The following CA8 variants were observed in gnomAD, a reference collection of about 807,000 sequenced individuals.
CA8 encodes carbonic anhydrase 8 (inactive).
CA8 carries 22 observed loss-of-function variants against 41.4 expected under a neutral mutation model. The observed-to-expected ratio is 0.53, with a 90% CI of 0.38 to 0.76. CA8 has a LOEUF of 0.76. Ranked by LOEUF, CA8 falls within the 30% of genes least tolerant of loss-of-function variation. The probability of loss-of-function intolerance (pLI) is 0.00; values close to 1 mark genes in which losing one functional copy is unlikely to be tolerated. For missense variants in CA8, 270 were observed against 352.8 expected (o/e 0.77, Z 1.88); for synonymous variants, 121 against 130.6 (o/e 0.93, Z 0.50).
At chr8:60,269,670 T>A (rs1387035269) in intron 2 of CA8, among the ~76,000 whole-genome samples, 1 of 152,228 alleles carries the variant, frequency 6.6e-6, no homozygotes, top group African/African-American at 2.4e-5. Flanking sequence ...AGGCTAGTGC[T>A]CAAGCCTTAT....
Position 60,281,180 on chromosome 8 carries a change from C to T in CA8, c.-33G>A. On this transcript the variant is annotated 5_prime_UTR_variant, in exon 1 of 9. Coordinates refer to ENST00000317995, the MANE Select transcript of CA8 (RefSeq NM_004056.6). ...CCGCGGGGCCCCTCGGCGCTCTCGG[C>T]AGCAGTGCCTGCGCCTTCGCTGGGC... is the stretch of plus-strand genomic sequence containing the variant. 1 of 1,464,182 alleles carries T rather than the reference C, an allele frequency of 6.8e-7. No homozygotes were observed. Among genetic ancestry groups the T allele is most frequent in the Non-Finnish European group, 9.3e-7 (1 of 1,074,980 alleles). The allele number at this position is 1,464,182 out of a possible 1,614,324, so 90.7% of individuals were successfully genotyped here.
At chr8:60,241,604 A>G (rs1163927850) in intron 3 of CA8, among the ~76,000 whole-genome samples, 1 of 152,242 alleles carries the variant, frequency 6.6e-6, no homozygotes, top group Non-Finnish European at 1.5e-5. Context: ...AAGATTGGGA[A>G]AAGCTTGGTG....
At chr8:60,218,061 C>T (rs1220803446) in intron 7 of CA8, among the ~76,000 whole-genome samples, 1 of 152,190 alleles carries the variant, frequency 6.6e-6, no homozygotes, top group African/African-American at 2.4e-5. Flanking sequence ...CCTCATGTCG[C>T]AGGCTCTCCA....
chr8:60,206,322 T>C (rs1806577178), intron 8 of CA8, among the ~76,000 whole-genome samples: 1 of 152,080 alleles, frequency 6.6e-6, no homozygotes, highest in African/African-American at 2.4e-5. Context: ...ATACAAAATC[T>C]CATAAACAAC....
chr8:60,240,053 C>A (rs972552141), intron 3 of CA8, among the ~76,000 whole-genome samples: 3 of 152,052 alleles, frequency 2.0e-5, no homozygotes, highest in Admixed American at 1.3e-4. Flanking sequence ...GACGGGGGAC[C>A]AAAGACTGAG....
intron 3 of CA8, among the ~76,000 whole-genome samples, chr8:60,248,245 CTTTAG>C (rs1391723358): frequency 1.3e-5 from 2 of 152,112 alleles, no homozygotes; most frequent in African/African-American, 4.8e-5. Flanking sequence ...TACAGAACTT[CTTTAG>C]TTTAATTAGA....
At chr8:60,207,329 T>C (rs938813280) in intron 8 of CA8, among the ~76,000 whole-genome samples, 6 of 152,230 alleles carry the variant, frequency 3.9e-5, no homozygotes, top group Non-Finnish European at 7.3e-5. Context: ...CAGAACATTA[T>C]ATGAACATAT....
intron 3 of CA8, among the ~76,000 whole-genome samples, chr8:60,246,701 G>A (rs1808250557): frequency 6.6e-6 from 1 of 152,048 alleles, no homozygotes; most frequent in Non-Finnish European, 1.5e-5. Flanking sequence ...TATCTTTGCT[G>A]TACATAATGT....
At chr8:60,267,243 G>A (rs1248120573) in intron 2 of CA8, among the ~76,000 whole-genome samples, 2 of 152,194 alleles carry the variant, frequency 1.3e-5, no homozygotes, top group Non-Finnish European at 2.9e-5. Context: ...AGAACAAGGG[G>A]AAGCCAAGAA....
At chr8:60,248,592 T>C (rs1038708403) in intron 3 of CA8, among the ~76,000 whole-genome samples, 1 of 152,164 alleles carries the variant, frequency 6.6e-6, no homozygotes, top group Non-Finnish European at 1.5e-5. Context: ...GAGATCTCTG[T>C]TCCACTCCAT....
intron 3 of CA8, among the ~76,000 whole-genome samples, chr8:60,233,081 T>C (rs1405767546): frequency 6.6e-6 from 1 of 152,208 alleles, no homozygotes; most frequent in Non-Finnish European, 1.5e-5. Context: ...ACAGCACTGA[T>C]AAAACACTTG....
At chr8:60,213,618 G>T (rs541091853) in intron 7 of CA8, among the ~76,000 whole-genome samples, 1 of 152,284 alleles carries the variant, frequency 6.6e-6, no homozygotes, top group East Asian at 1.9e-4. Context: ...AATACACACT[G>T]CAAGGCAAAG....
At position 60,221,214 on chromosome 8, in the gene CA8, T is replaced by A. The variant is rs149250087; in HGVS notation, c.738+1435A>T. Among the ~76,000 whole-genome samples the A allele has an allele frequency of 3.7e-3, 564 of 152,318 alleles. 1 individual carries two copies. The highest frequency in any genetic ancestry group is 0.01 in the African/African-American group (434 of 41,572). On this transcript the variant is annotated intron_variant, in intron 7 of 8. Coordinates refer to ENST00000317995, the MANE Select transcript of CA8 (RefSeq NM_004056.6). ...ACCAGACTAACTTCTAATATTTTGC[T>A]GAAATTATTCCCTAAACCTCTTGGA...
At chr8:60,203,483 C>G (rs1585847061) in intron 8 of CA8, among the ~76,000 whole-genome samples, 1 of 152,070 alleles carries the variant, frequency 6.6e-6, no homozygotes, top group East Asian at 1.9e-4. Context: ...GCAAGTCTCT[C>G]AGTTTTTCCA....
chr8:60,188,555 C>T lies in CA8; in HGVS notation c.*1466G>A, dbSNP rs1267312081. The T allele has an allele frequency of 1.3e-5, 2 of 152,190 alleles. No homozygotes were observed. Among genetic ancestry groups the T allele is most frequent in the Non-Finnish European group, 2.9e-5 (2 of 68,036 alleles). The allele number at this position is 152,190 out of a possible 1,614,324, so 9.4% of individuals were successfully genotyped here. A position where few individuals can be genotyped will look rare whatever the true frequency, so the allele number is the denominator to read the frequency against. ...AAATATTTTTGTCACAGTTTTGTAA[C>T]CATGCTTCACCGTTTCCTCATTGTT... On this transcript the variant is annotated 3_prime_UTR_variant, in exon 9 of 9. Coordinates refer to ENST00000317995, the MANE Select transcript of CA8 (RefSeq NM_004056.6).
intron 5 of CA8, among the ~76,000 whole-genome samples, chr8:60,226,645 G>A (rs1191903965): frequency 6.6e-6 from 1 of 152,102 alleles, no homozygotes; most frequent in Admixed American, 6.5e-5. Flanking sequence ...TGACTCCACT[G>A]GGAGGGGACA....
intron 3 of CA8, among the ~76,000 whole-genome samples, chr8:60,248,869 G>A (rs1419043746): frequency 1.3e-5 from 2 of 151,976 alleles, no homozygotes; most frequent in African/African-American, 2.4e-5. Flanking sequence ...CCATTTTCAC[G>A]ATATTGATTC....
At chr8:60,232,040 T>G (rs1284957445) in intron 4 of CA8, among the ~76,000 whole-genome samples, 4 of 152,166 alleles carry the variant, frequency 2.6e-5, no homozygotes, top group Non-Finnish European at 4.4e-5. Flanking sequence ...TCTAAATCAT[T>G]TCTCCAAAGA....
intron 2 of CA8, among the ~76,000 whole-genome samples, chr8:60,274,359 G>C (rs1224962089): frequency 6.6e-6 from 1 of 152,168 alleles, no homozygotes; most frequent in East Asian, 1.9e-4. Context: ...GGCGGCGGTA[G>C]GGGGGTGGTG....
Sources: gnomAD v4.1 joint callset for allele counts (sites outside exome capture counted in the v4.1 genomes callset) on GRCh38, gnomAD v4.1.1 for gene constraint, MANE v1.5 for transcripts, NCBI Gene and HGNC (gene_info 2026-07-23, HGNC 2026-07-21) for gene names.